The following SLC45A2 variants were observed in gnomAD, a reference collection of about 807,000 sequenced individuals.
SLC45A2 encodes membrane-associated transporter protein.
In SLC45A2, 36 loss-of-function variants were observed where a neutral mutation model predicts 45.5. The ratio of observed to expected loss-of-function variants is 0.79; its 90% CI spans 0.61 to 1.04. SLC45A2 has a LOEUF of 1.04. Ranked by LOEUF, SLC45A2 falls within the 50% of genes least tolerant of loss-of-function variation. SLC45A2 has a pLI of 0.00. For synonymous variants in SLC45A2, 306 were observed against 269.3 expected (o/e 1.14, Z -1.33); for missense variants, 719 against 671.0 (o/e 1.07, Z -0.79).
chr5:33,962,019 T>A lies in SLC45A2; in HGVS notation c.888+1672A>T, dbSNP rs369735203. Among the ~76,000 whole-genome samples, 14 of 152,340 alleles carry A rather than the reference T, an allele frequency of 9.2e-5. 2 individuals carry two copies. The highest frequency in any genetic ancestry group is 3.9e-4 in the East Asian group (2 of 5,186). On this transcript the variant is annotated intron_variant, in intron 3 of 6. Coordinates refer to ENST00000296589, the MANE Select transcript of SLC45A2 (RefSeq NM_016180.5). ...TCCTTTCACAGGTGTTTGACTTGCATCAACATAAGAAGACTTTCCCTTCCT... is the reference window on the plus strand; with the variant it reads ...TCCTTTCACAGGTGTTTGACTTGCAACAACATAAGAAGACTTTCCCTTCCT...
chr5:33,982,106 A>C, intron 2 of SLC45A2, 130 bp downstream of exon 2: 1 of 997,390 alleles, frequency 1.0e-6, no homozygotes, highest in Non-Finnish European at 1.6e-6. Context: ...CAGTGCCCGC[A>C]TGACGGGAGC....
chr5:33,968,138 T>C (rs896579898), intron 2 of SLC45A2, among the ~76,000 whole-genome samples: 1 of 152,176 alleles, frequency 6.6e-6, no homozygotes, highest in Non-Finnish European at 1.5e-5. Flanking sequence ...TTAAACTTTA[T>C]CTATTTGCTG....
chr5:33,962,970 C>A (rs564708828), intron 3 of SLC45A2, among the ~76,000 whole-genome samples: 1 of 152,300 alleles, frequency 6.6e-6, no homozygotes, highest in African/African-American at 2.4e-5. Context: ...GAACGTTCTA[C>A]AATGATGGGA....
At position 33,984,667 on chromosome 5, in the gene SLC45A2, G is replaced by C; in HGVS notation, c.-84C>G. ...TGTGTTTCAAACTGGATTTGACGTG[G>C]AGCCTGGCCGAGCAACCAACAGAGA... On this transcript the variant is annotated 5_prime_UTR_variant, in exon 1 of 7. Coordinates refer to ENST00000296589, the MANE Select transcript of SLC45A2 (RefSeq NM_016180.5). 6.4e-7 allele frequency: 1 copy of C among 1,572,170 alleles called. No individual in the cohort carries two copies.
chr5:33,951,338 A>G (rs755359743), intron 5 of SLC45A2: 6 of 1,301,782 alleles, frequency 4.6e-6, no homozygotes, highest in Admixed American at 5.6e-5. Flanking sequence ...TGATTCCAAG[A>G]GCAAAGTAAT....
chr5:33,979,448 C>G (rs758643058), intron 2 of SLC45A2, among the ~76,000 whole-genome samples: 14 of 152,088 alleles, frequency 9.2e-5, no homozygotes, highest in Non-Finnish European at 2.1e-4. Flanking sequence ...CGTTTCCTAT[C>G]AGACTTAAAA....
At chr5:33,947,002 A>C (rs1751949265) in intron 6 of SLC45A2, 161 bp downstream of exon 6, 4 of 1,576,848 alleles carry the variant, frequency 2.5e-6, no homozygotes, top group Non-Finnish European at 3.4e-6. Context: ...GCTGGTGAGC[A>C]TGCCTGTACC....
chr5:33,979,887 A>G (rs1753026350), intron 2 of SLC45A2, among the ~76,000 whole-genome samples: 1 of 152,062 alleles, frequency 6.6e-6, no homozygotes, highest in Non-Finnish European at 1.5e-5. Flanking sequence ...TTACAATACT[A>G]TCATGTATTG....
intron 2 of SLC45A2, among the ~76,000 whole-genome samples, chr5:33,974,593 G>C (rs1261090564): frequency 6.6e-6 from 1 of 152,210 alleles, no homozygotes; most frequent in Non-Finnish European, 1.5e-5. Flanking sequence ...GTGGAATGCT[G>C]TAGTTATCTC....
intron 2 of SLC45A2, among the ~76,000 whole-genome samples, chr5:33,969,650 C>T (rs1752724947): frequency 6.6e-6 from 1 of 152,200 alleles, no homozygotes; most frequent in Non-Finnish European, 1.5e-5. Flanking sequence ...CTTTAAGAAC[C>T]AGGCTTCCCA....
chr5:33,966,420 CT>C (rs1752603898), intron 2 of SLC45A2, among the ~76,000 whole-genome samples: 1 of 148,136 alleles, frequency 6.8e-6, no homozygotes, highest in Non-Finnish European at 1.5e-5. Context: ...ATGGGAGAAG[CT>C]ACTTTCTTTT....
rs1266749195 is a variant in SLC45A2 at position 33,963,870 on chromosome 5, T to C, written c.709A>G (p.Ile237Val). 1 of 1,614,052 alleles carries C rather than the reference T, an allele frequency of 6.2e-7. No individual in the cohort carries two copies. Among genetic ancestry groups the C allele is most frequent in the Non-Finnish European group, 8.5e-7 (1 of 1,180,038 alleles). The change falls in exon 3 of 7, where the codon ATC (isoleucine) becomes GTC (valine). Residue 237 changes from isoleucine to valine, a missense_variant. Ile to Val is a conservative substitution (Grantham distance 29, BLOSUM62 3). Coordinates refer to ENST00000296589, the MANE Select transcript of SLC45A2 (RefSeq NM_016180.5). ...TLCFTVHLCS[I>V]SEAPLTEVAK... ...ACCTCTGTAAGTGGGGCTTCAGAGA[T>C]ACTGCACAGATGAACAGTAAAACAC... is the stretch of plus-strand genomic sequence containing the variant.
intron 5 of SLC45A2, among the ~76,000 whole-genome samples, chr5:33,949,737 G>A (rs1752041371): frequency 6.6e-6 from 1 of 151,900 alleles, no homozygotes; most frequent in Non-Finnish European, 1.5e-5. Context: ...AATTTCTTTT[G>A]TAACTAGAAA....
intron 2 of SLC45A2, among the ~76,000 whole-genome samples, chr5:33,979,720 T>C (rs1753019981): frequency 6.6e-6 from 1 of 152,232 alleles, no homozygotes; most frequent in Non-Finnish European, 1.5e-5. Context: ...TGCTGATCAA[T>C]TGTGCTTGAA....
chr5:33,978,061 G>A (rs1752979659), intron 2 of SLC45A2, among the ~76,000 whole-genome samples: 1 of 152,182 alleles, frequency 6.6e-6, no homozygotes, highest in Non-Finnish European at 1.5e-5. Flanking sequence ...AACTGACTGA[G>A]TGGACACCCT....
At position 33,951,555 on chromosome 5, in the gene SLC45A2, A is replaced by C. The variant is rs764264726; in HGVS notation, c.1155T>G (p.Ser385=). The C allele has an allele frequency of 6.2e-7, 1 of 1,614,160 alleles. No homozygotes were observed. The highest frequency in any genetic ancestry group is 8.5e-7 in the Non-Finnish European group (1 of 1,180,012). ...CINSVFSSLY[S]YFQKVLVSYI... ...TCCTTAGGAGAGAGAAAGACTTACA[A>C]GAATAAAGTGAGGAAAACACGGAGT... The change falls in exon 5 of 7, where the codon TCT becomes TCG. Residue 385 remains serine, a splice_region_variant and synonymous_variant. Transcript: ENST00000296589.
At chr5:33,946,991 G>T in intron 6 of SLC45A2, 172 bp downstream of exon 6, 1 of 1,562,794 alleles carries the variant, frequency 6.4e-7, no homozygotes, top group Non-Finnish European at 8.6e-7. Context: ...GGCTGGGCTG[G>T]GCTGGTGAGC....
Position 33,954,456 on chromosome 5 carries a change from T to G in SLC45A2, c.937A>C (p.Met313Leu), listed in dbSNP as rs756708646. The change falls in exon 4 of 7, where the codon ATG becomes CTG. Residue 313 changes from methionine (M) to leucine (L), a missense_variant. Physicochemically the swap from Met to Leu is conservative, Grantham distance 15 (BLOSUM62 2). Transcript: ENST00000296589. ...CAAAGGTAGCGGTAGTGAGGAGGCA[T>G]GTTCACCAGTGCTCTCAGCAGTGAC... The part of the protein sequence containing the change: ...LKSLLRALVN[M>L]PPHYRYLCIS... 5.0e-6 allele frequency: 8 copies of G among 1,613,960 alleles called. No homozygotes were observed. The African/African-American group carries it at 9.3e-5, about 19-fold the overall frequency.
At chr5:33,982,499 A>T in intron 1 of SLC45A2, 87 bp from the exon 2 acceptor site, 1 of 1,317,632 alleles carries the variant, frequency 7.6e-7, no homozygotes, top group Non-Finnish European at 1.1e-6. Context: ...CTTGCCATAA[A>T]ATCATCTTCC....
Sources: allele counts gnomAD v4.1 joint callset (sites outside exome capture counted in the v4.1 genomes callset), GRCh38; gene constraint gnomAD v4.1.1; transcripts MANE v1.5; gene names NCBI Gene and HGNC (gene_info 2026-07-23, HGNC 2026-07-21).